Variants in C1orf167 observed in about 807,000 individuals in gnomAD.
C1orf167 encodes uncharacterized protein C1orf167.
A neutral mutation model predicts 176.5 loss-of-function variants in C1orf167; 153 were observed. The observed-to-expected ratio is 0.87, with a 90% confidence interval of 0.76 to 0.99. C1orf167 has a LOEUF of 0.99. Ranked by LOEUF, C1orf167 falls within the 50% of genes least tolerant of loss-of-function variation. C1orf167 has a pLI of 0.00. For synonymous variants in C1orf167, 594 were observed against 752.7 expected (o/e 0.79, Z 3.45); for missense variants, 1,490 against 1,817.7 (o/e 0.82, Z 3.28).
Position 11,784,281 on chromosome 1 carries a change from C to A in C1orf167, c.3113C>A (p.Ala1038Asp). The A allele has an allele frequency of 7.7e-7, 1 of 1,303,450 alleles. No individual in the cohort carries two copies. The highest frequency in any genetic ancestry group is 1.2e-5 in the South Asian group (1 of 80,842). The allele number at this position is 1,303,450 out of a possible 1,614,324, so 80.7% of individuals were successfully genotyped here. Reference protein sequence around the residue: ...LRRRALGAVFATWREAQEVAA... With the variant: ...LRRRALGAVFDTWREAQEVAA... ...AGAAGAGCACTGGGGGCCGTGTTTG[C>A]CACATGGCGGGAAGCCCAGGAAGTG... Residue 1038 changes from alanine to aspartate, a missense_variant, in exon 15 of 21, where the codon GCC becomes GAC. Ala to Asp is a moderately radical substitution (Grantham distance 126). Transcript: ENST00000688073.
intron 10 of C1orf167, 152 bp from the exon 11 acceptor site, chr1:11,778,508 C>T: frequency 1.7e-6 from 1 of 576,394 alleles, no homozygotes; most frequent in Non-Finnish European, 2.6e-6. Context: ...TGGGGGGCAG[C>T]AGCGTGGAAC....
At chr1:11,772,463 C>T (rs1190577823) in intron 8 of C1orf167, among the ~76,000 whole-genome samples, 3 of 152,108 alleles carry the variant, frequency 2.0e-5, no homozygotes, top group Non-Finnish European at 4.4e-5. Flanking sequence ...GACAGGGTTC[C>T]ACCATGTTGC....
intron 13 of C1orf167, among the ~76,000 whole-genome samples, chr1:11,780,343 A>G (rs1643536548): frequency 6.6e-6 from 1 of 152,196 alleles, no homozygotes; most frequent in African/African-American, 2.4e-5. Context: ...GAATGAGCAA[A>G]TGAATAGACC....
In C1orf167 at chr1:11,776,550, G is replaced by A; in HGVS notation, c.2251G>A (p.Gly751Ser). Residue 751 changes from glycine to serine, a missense_variant, in exon 10 of 21, where the codon GGC becomes AGC. Transcript: ENST00000688073. ...QAQGQQEQGRGSLQDACWTLA... is the reference protein window; with the variant it reads ...QAQGQQEQGRSSLQDACWTLA... Reference sequence around the variant, plus strand: ...CCAGGGGCAGCAGGAGCAAGGCCGGGGCTCCCTGCAGGATGCCTGCTGGAC... The same window carrying A: ...CCAGGGGCAGCAGGAGCAAGGCCGGAGCTCCCTGCAGGATGCCTGCTGGAC... The A allele has an allele frequency of 7.8e-7, 1 of 1,282,414 alleles. No individual in the cohort carries two copies. The highest frequency in any genetic ancestry group is 1.3e-5 in the South Asian group (1 of 78,492). The allele number at this position is 1,282,414 out of a possible 1,614,324, so 79.4% of individuals were successfully genotyped here.
intron 8 of C1orf167, among the ~76,000 whole-genome samples, chr1:11,773,882 A>G (rs1482784472): frequency 2.1e-5 from 3 of 145,928 alleles, no homozygotes; most frequent in Non-Finnish European, 4.5e-5. Context: ...GTTGGTTGAT[A>G]AGTCATTCAA....
chr1:11,767,669 T>C (rs1021966860), intron 4 of C1orf167, among the ~76,000 whole-genome samples: 6 of 151,762 alleles, frequency 4.0e-5, no homozygotes, highest in African/African-American at 1.5e-4. Flanking sequence ...CAAAAAAAAT[T>C]ACAAAAATCA....
chr1:11,771,825 G>A (rs558424993), intron 7 of C1orf167, among the ~76,000 whole-genome samples, 189 bp downstream of exon 7: 10 of 152,260 alleles, frequency 6.6e-5, no homozygotes, highest in African/African-American at 1.7e-4. Context: ...CCCATTTTAC[G>A]GATGGGGAAC....
intron 1 of C1orf167, among the ~76,000 whole-genome samples, chr1:11,762,981 G>C (rs999366945): frequency 1.3e-5 from 2 of 152,222 alleles, no homozygotes; most frequent in African/African-American, 4.8e-5. Flanking sequence ...GGCTCACTGT[G>C]ATGTGGGAGG....
At chr1:11,767,941 T>G (rs1354174991) in intron 4 of C1orf167, 136 bp from the exon 5 acceptor site, 11 of 562,640 alleles carry the variant, frequency 2.0e-5, no homozygotes. Context: ...CAGTCTGCAG[T>G]GTGATACTCC....
Position 11,788,761 on chromosome 1 carries a change from A to AG in C1orf167, c.4173+17dup, listed in dbSNP as rs1285414592. ...CAGGAAGATGGGTGGGTCCTTTCCC[A>AG]GGTACTGCCCTCTTCCCTGCATTCC... On this transcript the variant is annotated intron_variant, in intron 20 of 20. Transcript: ENST00000688073. 2.3e-6 allele frequency: 3 copies of AG among 1,303,244 alleles called. No homozygotes were observed. Among genetic ancestry groups the AG allele is most frequent in the African/African-American group, 3.0e-5 (2 of 65,840 alleles). 80.7% of individuals were successfully genotyped at this position (1,303,244 alleles called of 1,614,324 possible). A position where few individuals can be genotyped will look rare whatever the true frequency, so the allele number is the denominator to read the frequency against.
rs1214433861 is a variant in C1orf167 at position 11,780,028 on chromosome 1, CG to C, written c.2860+23del. On this transcript the variant is annotated intron_variant, in intron 13 of 20. Coordinates refer to ENST00000688073, the MANE Select transcript of C1orf167 (RefSeq NM_001010881.2). The stretch of plus-strand genomic sequence containing the variant: ...TTGGCAGGGTGAGTGGAGACTTGGT[CG>C]GGGGCACTGCGGGTGAGGGCAGGGC... The C allele has an allele frequency of 1.6e-6, 2 of 1,256,760 alleles. No individual in the cohort carries two copies. The highest frequency in any genetic ancestry group is 1.2e-4 in the East Asian group (2 of 17,286). 77.9% of individuals were successfully genotyped at this position (1,256,760 alleles called of 1,614,324 possible). A position where few individuals can be genotyped will look rare whatever the true frequency, so the allele number is the denominator to read the frequency against.
intron 4 of C1orf167, 103 bp downstream of exon 4, chr1:11,767,367 G>A: frequency 9.7e-7 from 1 of 1,035,290 alleles, no homozygotes; most frequent in South Asian, 1.4e-5. Context: ...GCCTGATGGA[G>A]AGGAGGCAGG....
chr1:11,787,277 G>GGAA (rs35134728), intron 16 of C1orf167, 111 bp from the exon 17 acceptor site: 253,790 of 445,080 alleles, frequency 0.57, 75,715 homozygotes, highest in East Asian at 0.77. Flanking sequence ...GGGAATGGGT[G>GGAA]GAAGAGGCCG....
rs931985182 is a variant in C1orf167 at position 11,765,811 on chromosome 1, C to G, written c.71-46C>G. On this transcript the variant is annotated intron_variant, in intron 2 of 20. Coordinates refer to ENST00000688073, the MANE Select transcript of C1orf167 (RefSeq NM_001010881.2). The stretch of plus-strand genomic sequence containing the variant: ...GGCCTGGAGAGCTTCGCCTGTCCCA[C>G]CTGAGTGCCAGCCACCCAAGTCATG... 3.3e-5 allele frequency: 39 copies of G among 1,181,444 alleles called. 1 individual carries two copies. Among genetic ancestry groups the G allele is most frequent in the Non-Finnish European group, 4.2e-5 (39 of 936,562 alleles). 73.2% of individuals were successfully genotyped at this position (1,181,444 alleles called of 1,614,324 possible). A position where few individuals can be genotyped will look rare whatever the true frequency, so the allele number is the denominator to read the frequency against.
At chr1:11,787,238 C>A in intron 16 of C1orf167, 150 bp from the exon 17 acceptor site, 1 of 307,800 alleles carries the variant, frequency 3.2e-6, no homozygotes, top group Non-Finnish European at 6.2e-6. Context: ...TGGGCCCACC[C>A]CATTGTTGGA....
At chr1:11,776,261 G>A (rs6659425) in intron 9 of C1orf167, among the ~76,000 whole-genome samples, 133,255 of 149,566 alleles carry the variant, frequency 0.89, 59,413 homozygotes, top group Non-Finnish European at 0.95. Context: ...CTGTCTCAAA[G>A]AAACAAAAAA....
Position 11,783,665 on chromosome 1 carries a change from C to T in C1orf167, c.3006-509C>T, listed in dbSNP as rs150504008. ...GGCTGATGTGGGACTTGAACCCATA[C>T]TGCTGGTTCCCATCCCCCTCGCAGG... On this transcript the variant is annotated intron_variant, in intron 14 of 20. Coordinates refer to ENST00000688073, the MANE Select transcript of C1orf167 (RefSeq NM_001010881.2). Among the ~76,000 whole-genome samples the T allele has an allele frequency of 3.7e-3, 561 of 152,290 alleles. 2 individuals are homozygous for T. Among genetic ancestry groups the T allele is most frequent in the Non-Finnish European group, 4.5e-3 (304 of 68,024 alleles).
rs572081404 is a variant in C1orf167, at chr1:11,782,627, A to G, written c.3005+294A>G. Among the ~76,000 whole-genome samples the G allele has an allele frequency of 8.5e-5, 13 of 152,274 alleles. No homozygotes were observed. The East Asian group carries it at 1.5e-3, about 18-fold the overall frequency. On this transcript the variant is annotated intron_variant, in intron 14 of 20. Transcript: ENST00000688073. ...TTTGGTTTTAGAGGATATGATTAAG[A>G]TGGGAGAAATCAGCTGGGAACAGTG...
At chr1:11,762,986 G>A (rs576967659) in intron 1 of C1orf167, among the ~76,000 whole-genome samples, 273 of 152,338 alleles carry the variant, frequency 1.8e-3, no homozygotes, top group African/African-American at 6.4e-3. Context: ...ACTGTGATGT[G>A]GGAGGCAAGA....
Sources: gnomAD v4.1 joint callset for allele counts (sites outside exome capture counted in the v4.1 genomes callset) on GRCh38, gnomAD v4.1.1 for gene constraint, MANE v1.5 for transcripts, NCBI Gene and HGNC (gene_info 2026-07-23, HGNC 2026-07-21) for gene names.